The following ABCA8 variants were observed in gnomAD, a reference collection of about 807,000 sequenced individuals.
ABCA8 encodes the protein ABC-type organic anion transporter ABCA8.
In ABCA8, 177 loss-of-function variants were observed where a neutral mutation model predicts 192.3. The ratio of observed to expected loss-of-function variants is 0.92; its 90% CI spans 0.81 to 1.04. The LOEUF is 1.04. ABCA8 is among the 50% of genes least tolerant of loss of function. The pLI is 0.00. For missense variants in ABCA8, 1,915 were observed against 1,904.8 expected, an observed-to-expected ratio of 1.01 and a Z score of -0.10; for synonymous variants, 642 against 690.2, an observed-to-expected ratio of 0.93 and a Z score of 1.09.
chr17:68,910,464 A>G (rs951694791), intron 17 of ABCA8, among the ~76,000 whole-genome samples: 5 of 152,206 alleles, frequency 3.3e-5, no homozygotes, highest in African/African-American at 1.2e-4. Flanking sequence ...CATTCATCCC[A>G]CTACCATGGA....
intron 4 of ABCA8, among the ~76,000 whole-genome samples, chr17:68,937,730 G>C (rs1243118992): frequency 6.6e-6 from 1 of 152,040 alleles, no homozygotes; most frequent in East Asian, 1.9e-4. Flanking sequence ...TGAATGTAGA[G>C]GGAGCAAGAA....
Position 68,894,880 on chromosome 17 carries a change from C to A in ABCA8, c.2898G>T (p.Lys966Asn). The change falls in exon 22 of 40, where the codon AAG (lysine) becomes AAT (asparagine). Residue 966 changes from lysine to asparagine, a missense_variant and splice_region_variant. Physicochemically the swap from Lys to Asn is moderately conservative, Grantham distance 94. Coordinates refer to ENST00000586539, the MANE Select transcript of ABCA8 (RefSeq NM_001288985.2). Reference protein sequence around the residue: ...NGAITVCCNEKNYSFSLACNA... With the variant: ...NGAITVCCNENNYSFSLACNA... ...GAAAGATTATTAGAGACCTGCATAC[C>A]TTTTCATTACAACACACTGTGATGG... 1 of 1,611,156 alleles carries A rather than the reference C, an allele frequency of 6.2e-7. No homozygotes were observed. The highest frequency in any genetic ancestry group is 1.1e-5 in the South Asian group (1 of 90,410).
At chr17:68,888,252 A>T (rs1049731774) in intron 24 of ABCA8, among the ~76,000 whole-genome samples, 3 of 151,964 alleles carry the variant, frequency 2.0e-5, no homozygotes, top group Non-Finnish European at 4.4e-5. Context: ...TGTATTTTAC[A>T]TTATTTGTCA....
chr17:68,927,507 G>A (rs2067733433), intron 10 of ABCA8, among the ~76,000 whole-genome samples: 5 of 152,080 alleles, frequency 3.3e-5, no homozygotes, highest in Admixed American at 3.3e-4. Flanking sequence ...AGGTTGAGCT[G>A]GGCTTAGACT....
At chr17:68,895,335 C>T (rs970594356) in intron 21 of ABCA8, among the ~76,000 whole-genome samples, 3 of 151,950 alleles carry the variant, frequency 2.0e-5, no homozygotes, top group African/African-American at 7.3e-5. Flanking sequence ...ACCAAATTTG[C>T]TAAGTCATTT....
chr17:68,941,081 T>A, intron 3 of ABCA8, 119 bp from the exon 4 acceptor site: 1 of 731,486 alleles, frequency 1.4e-6, no homozygotes, highest in South Asian at 1.9e-5. Flanking sequence ...TCCCATATTA[T>A]AAACTGTTTA....
intron 37 of ABCA8, among the ~76,000 whole-genome samples, chr17:68,874,351 G>A (rs1442428119): frequency 2.0e-5 from 3 of 152,138 alleles, no homozygotes; most frequent in Non-Finnish European, 4.4e-5. Context: ...ATGTAATTGA[G>A]CCTCTGGTTA....
chr17:68,878,594 G>A (rs2066264562), intron 32 of ABCA8: 1 of 152,190 alleles, frequency 6.6e-6, no homozygotes, highest in Admixed American at 6.5e-5. Context: ...CCAAATGGCT[G>A]GCTTTCTACT....
chr17:68,944,515 C>T (rs977390565), intron 2 of ABCA8: 2 of 151,320 alleles, frequency 1.3e-5, no homozygotes, highest in Non-Finnish European at 2.9e-5. Context: ...ACAAAACAAG[C>T]TGTTATTGCA....
chr17:68,896,290 A>G (rs2066756219), intron 21 of ABCA8, among the ~76,000 whole-genome samples: 1 of 152,222 alleles, frequency 6.6e-6, no homozygotes, highest in Non-Finnish European at 1.5e-5. Flanking sequence ...CAGAGAGTTA[A>G]GAAGAGCCCT....
At chr17:68,904,288 AAG>A (rs374509431) in intron 19 of ABCA8, among the ~76,000 whole-genome samples, 1,924 of 117,852 alleles carry the variant, frequency 0.016, 48 homozygotes, top group Admixed American at 0.025. Flanking sequence ...TCTCAAAAAA[AAG>A]AAATAATAAT....
intron 9 of ABCA8, 51 bp downstream of exon 9, chr17:68,928,998 G>C (rs748348920): frequency 7.5e-7 from 1 of 1,333,258 alleles, no homozygotes; most frequent in Non-Finnish European, 9.8e-7. Flanking sequence ...GGATTCCAGA[G>C]GGACAGATGT....
chr17:68,929,694 C>T lies in ABCA8; in HGVS notation c.806G>A (p.Trp269Ter). The change falls in exon 8 of 40, where the codon TGG (tryptophan) becomes TAG (stop). Residue 269 changes from tryptophan (W) to a stop codon, truncating the protein, a stop_gained. Coordinates refer to ENST00000586539, the MANE Select transcript of ABCA8 (RefSeq NM_001288985.2). LOFTEE classifies it high-confidence loss of function. The part of the protein sequence containing the change: ...GLRDSAFWLS[W>*]GLLYAGFIFI... ...GATGAAACCAGCATAGAGCAAACCC[C>T]AGGAGAGCCTAATGTGGAAACAAAA... is the stretch of plus-strand genomic sequence containing the variant. The T allele has an allele frequency of 6.2e-7, 1 of 1,604,172 alleles. No homozygotes were observed. The highest frequency in any genetic ancestry group is 1.3e-5 in the African/African-American group (1 of 74,246).
rs540837848 is a variant in ABCA8, at chr17:68,896,962, G to A, written c.2765-1949C>T. On this transcript the variant is annotated intron_variant, in intron 21 of 39. Transcript: ENST00000586539. The stretch of plus-strand genomic sequence containing the variant: ...ATAAGTGCTTAGTTAAGATGGAAAA[G>A]GCGATAAATTTGTGGATAAAAAACA... 2.0e-5 allele frequency among the ~76,000 whole-genome samples: 3 copies of A among 152,318 alleles called. No individual in the cohort carries two copies. In the East Asian group the frequency reaches 5.8e-4, roughly 29 times the overall value.
At chr17:68,870,791 G>A (rs371984415) in intron 37 of ABCA8, among the ~76,000 whole-genome samples, 1 of 152,278 alleles carries the variant, frequency 6.6e-6, no homozygotes, top group African/African-American at 2.4e-5. Context: ...TAAGAATAGT[G>A]CTGCAATGAA....
At chr17:68,932,113 G>C in intron 7 of ABCA8, 175 bp downstream of exon 7, 1 of 483,258 alleles carries the variant, frequency 2.1e-6, no homozygotes, top group Non-Finnish European at 3.7e-6. Flanking sequence ...GGGAGGCCGA[G>C]GCAGGAGAAT....
intron 2 of ABCA8, among the ~76,000 whole-genome samples, chr17:68,942,387 C>T (rs75599619): frequency 0.032 from 4,914 of 152,266 alleles, 177 homozygotes; most frequent in East Asian, 0.2. Context: ...GCAGAGAGGA[C>T]AGTAGAGACA....
At chr17:68,940,565 G>A (rs2068196725) in intron 4 of ABCA8, among the ~76,000 whole-genome samples, 193 bp downstream of exon 4, 1 of 152,050 alleles carries the variant, frequency 6.6e-6, no homozygotes, top group Non-Finnish European at 1.5e-5. Flanking sequence ...TGTTTGGCAA[G>A]CAATACATGT....
At position 68,928,110 on chromosome 17, in the gene ABCA8, C is replaced by T. The variant is rs181773161; in HGVS notation, c.1126-47G>A. The T allele has an allele frequency of 2.8e-6, 4 of 1,446,866 alleles. No homozygotes were observed. In the Admixed American group the frequency reaches 6.4e-5, roughly 23 times the overall value. The allele number at this position is 1,446,866 out of a possible 1,614,324, so 89.6% of individuals were successfully genotyped here. On this transcript the variant is annotated intron_variant, in intron 9 of 39. Coordinates refer to ENST00000586539, the MANE Select transcript of ABCA8 (RefSeq NM_001288985.2). ...ATTAAGGGAAATTAGGTATAAGATA[C>T]ATTTTAAACAGTTAGGTTTAGCATA...
Sources: allele counts gnomAD v4.1 joint callset (sites outside exome capture counted in the v4.1 genomes callset), GRCh38; gene constraint gnomAD v4.1.1; transcripts MANE v1.5; gene names NCBI Gene and HGNC (gene_info 2026-07-23, HGNC 2026-07-21).